Variants in SASH1 observed in about 807,000 individuals in gnomAD.
SASH1 encodes SAM and SH3 domain containing 1.
A neutral mutation model predicts 125.2 loss-of-function variants in SASH1; 44 were observed. The ratio of observed to expected loss-of-function variants is 0.35; its 90% CI spans 0.28 to 0.45. The LOEUF (loss-of-function observed/expected upper bound fraction) is 0.45, where lower values mean the gene tolerates loss of function less well. Among genes scored for constraint, SASH1 ranks in the 20% least tolerant of loss-of-function variants. The pLI, the probability that SASH1 is intolerant of heterozygous loss-of-function variation, is 1.00. For missense variants in SASH1, 1,426 were observed against 1,614.5 expected, an observed-to-expected ratio of 0.88 and a Z score of 2.00; for synonymous variants, 639 against 649.1, an observed-to-expected ratio of 0.98 and a Z score of 0.24.
At chr6:148,446,556 T>C (rs1435048496) in intron 4 of SASH1, among the ~76,000 whole-genome samples, 1 of 152,212 alleles carries the variant, frequency 6.6e-6, no homozygotes. Flanking sequence ...GTGTCAAGAT[T>C]CTTTAGTGTC....
At chr6:148,229,304 A>G in the SASH1 span, among the ~76,000 whole-genome samples, 1 of 152,124 alleles carries the variant, frequency 6.6e-6, no homozygotes, top group Non-Finnish European at 1.5e-5. Flanking sequence ...CACATAAAAG[A>G]CTTGGGGAGG....
intron 1 of SASH1, 102 bp from the exon 2 acceptor site, chr6:148,390,032 C>A: frequency 7.4e-7 from 1 of 1,354,204 alleles, no homozygotes; most frequent in African/African-American, 1.5e-5. Flanking sequence ...CACTTAAATA[C>A]CAACCTTTAT....
the SASH1 span, among the ~76,000 whole-genome samples, chr6:148,260,150 A>G: frequency 1.3e-5 from 2 of 152,236 alleles, no homozygotes; most frequent in East Asian, 3.8e-4. Context: ...TTTGAATATA[A>G]TATGCATATA....
At chr6:148,527,996 G>C (rs4994026) in intron 12 of SASH1, among the ~76,000 whole-genome samples, 7 of 129,144 alleles carry the variant, frequency 5.4e-5, no homozygotes, top group African/African-American at 1.6e-4. Flanking sequence ...TTTGGGGGGG[G>C]GGGTGGCAGT....
the SASH1 span, among the ~76,000 whole-genome samples, chr6:148,217,147 A>G: frequency 6.6e-6 from 1 of 152,220 alleles, no homozygotes; most frequent in Non-Finnish European, 1.5e-5. Context: ...AGTCCCTGAC[A>G]CTGAGTCCCT....
chr6:148,483,862 A>T (rs1311818062), intron 7 of SASH1, among the ~76,000 whole-genome samples: 1 of 152,236 alleles, frequency 6.6e-6, no homozygotes, highest in Admixed American at 6.5e-5. Flanking sequence ...TATAAAAGCG[A>T]CTGTGCATCA....
chr6:148,520,015 A>T, intron 10 of SASH1, 122 bp downstream of exon 10: 1 of 676,176 alleles, frequency 1.5e-6, no homozygotes, highest in South Asian at 2.0e-5. Context: ...GATACTAATT[A>T]TTCCTGTTCC....
upstream of SASH1, among the ~76,000 whole-genome samples, chr6:148,338,426 C>CAA (rs5880773): frequency 0.079 from 10,564 of 132,888 alleles, 639 homozygotes; most frequent in East Asian, 0.32. Context: ...GACTCCATCT[C>CAA]AAAAAAAAAA....
chr6:148,513,100 G>A (rs1400479298), intron 8 of SASH1: 2 of 985,264 alleles, frequency 2.0e-6, no homozygotes, highest in Non-Finnish European at 2.4e-6. Flanking sequence ...TTCTCTTGAG[G>A]TATTCTCTGC....
intron 16 of SASH1, among the ~76,000 whole-genome samples, chr6:148,537,715 A>G (rs898935358): frequency 5.3e-5 from 8 of 151,256 alleles, no homozygotes; most frequent in Non-Finnish European, 8.8e-5. Context: ...AGGCAATGCT[A>G]TGTGCCTTTG....
chr6:148,323,872 A>C (rs1421353785), intron 1 of SASH1, among the ~76,000 whole-genome samples: 1 of 152,096 alleles, frequency 6.6e-6, no homozygotes, highest in Non-Finnish European at 1.5e-5. Flanking sequence ...CATGCCTGTA[A>C]TCCCAGCACT....
At chr6:148,279,442 A>C (rs1779277142) in intron 1 of SASH1, among the ~76,000 whole-genome samples, 1 of 152,200 alleles carries the variant, frequency 6.6e-6, no homozygotes, top group Non-Finnish European at 1.5e-5. Context: ...TGTTGAATAA[A>C]TGTTCAATCA....
chr6:148,336,235 G>A (rs1582981557), intron 1 of SASH1, among the ~76,000 whole-genome samples: 1 of 143,276 alleles, frequency 7.0e-6, no homozygotes, highest in East Asian at 2.2e-4. Flanking sequence ...GAGTGCAGTG[G>A]CAAGATCTCG....
At chr6:148,499,637 C>G (rs1044083467) in intron 8 of SASH1, among the ~76,000 whole-genome samples, 6 of 152,114 alleles carry the variant, frequency 3.9e-5, no homozygotes, top group Non-Finnish European at 8.8e-5. Flanking sequence ...GGAGCCTTCC[C>G]AGAGAAGGTG....
At chr6:148,536,227 AG>A (rs1350908018) in intron 16 of SASH1, among the ~76,000 whole-genome samples, 1 of 152,226 alleles carries the variant, frequency 6.6e-6, no homozygotes, top group African/African-American at 2.4e-5. Flanking sequence ...CAGCTCAATT[AG>A]TATGAATCAG....
intron 1 of SASH1, among the ~76,000 whole-genome samples, chr6:148,370,305 G>A (rs1047073513): frequency 6.6e-6 from 1 of 152,202 alleles, no homozygotes. Flanking sequence ...TTTAAAGATG[G>A]TTGGCAAGAT....
At position 148,473,475 on chromosome 6, in the gene SASH1, A is replaced by G. The variant is rs7764492; in HGVS notation, c.515-635A>G. Among the ~76,000 whole-genome samples the G allele has an allele frequency of 5.6e-3, 856 of 152,212 alleles. 7 individuals carry two copies. The highest frequency in any genetic ancestry group is 0.02 in the African/African-American group (827 of 41,542). The stretch of plus-strand genomic sequence containing the variant: ...CACCTTGTTGGCCAGGCTGGTCTCG[A>G]ACTCCTAACCTCAAGTGATCCACCT... On this transcript the variant is annotated intron_variant, in intron 6 of 19. Transcript: ENST00000367467.
At chr6:148,512,386 A>G (rs1208315504) in intron 8 of SASH1, 1 of 707,228 alleles carries the variant, frequency 1.4e-6, no homozygotes, top group Non-Finnish European at 1.7e-6. Flanking sequence ...TTCTTCTTCT[A>G]TTAGAATTGC....
intron 1 of SASH1, among the ~76,000 whole-genome samples, chr6:148,316,513 C>T (rs769067201): frequency 2.6e-5 from 4 of 152,212 alleles, no homozygotes; most frequent in Non-Finnish European, 4.4e-5. Flanking sequence ...GCACACGGCC[C>T]GCTTCAGGGC....
Sources: allele counts gnomAD v4.1 joint callset (sites outside exome capture counted in the v4.1 genomes callset), GRCh38; gene constraint gnomAD v4.1.1; transcripts MANE v1.5; gene names NCBI Gene and HGNC (gene_info 2026-07-23, HGNC 2026-07-21).